CACNA1C: variants seen among roughly 807,000 people sequenced by gnomAD.
CACNA1C encodes calcium voltage-gated channel subunit alpha1 C.
A neutral mutation model predicts 229.0 loss-of-function variants in CACNA1C; 30 were observed. That is an observed-to-expected ratio of 0.13 (90% CI 0.10 to 0.18). The LOEUF (loss-of-function observed/expected upper bound fraction) is 0.18. Ranked by LOEUF, CACNA1C falls within the 10% of genes least tolerant of loss-of-function variation. The pLI is 1.00. For missense variants in CACNA1C, 1,658 were observed against 2,845.0 expected, an observed-to-expected ratio of 0.58 and a Z score of 9.49; for synonymous variants, 1,114 against 1,132.5, an observed-to-expected ratio of 0.98 and a Z score of 0.33.
intron 11 of CACNA1C, among the ~76,000 whole-genome samples, chr12:2,565,654 A>G (rs1344250917): frequency 6.6e-6 from 1 of 152,118 alleles, no homozygotes; most frequent in Non-Finnish European, 1.5e-5. Context: ...GAGTCCATGG[A>G]GCATGGATGA....
intron 3 of CACNA1C, among the ~76,000 whole-genome samples, chr12:2,160,240 C>T (rs541841015): frequency 9.2e-5 from 14 of 152,300 alleles, no homozygotes; most frequent in Admixed American, 2.0e-4. Flanking sequence ...ATGGGAGAAG[C>T]GTGCTGTATC....
chr12:1,981,649 A>C (rs1476848429), intron 1 of CACNA1C, among the ~76,000 whole-genome samples: 1 of 152,220 alleles, frequency 6.6e-6, no homozygotes, highest in Non-Finnish European at 1.5e-5. Flanking sequence ...GTTACTGCCA[A>C]AACCCAACAC....
chr12:2,102,506 C>T (rs1369575946), intron 1 of CACNA1C, among the ~76,000 whole-genome samples: 1 of 152,216 alleles, frequency 6.6e-6, no homozygotes, highest in Non-Finnish European at 1.5e-5. Flanking sequence ...GCACACCCTC[C>T]CTTCTCCCCA....
At chr12:2,494,239 A>C (rs2099742226) in intron 7 of CACNA1C, among the ~76,000 whole-genome samples, 1 of 152,206 alleles carries the variant, frequency 6.6e-6, no homozygotes, top group African/African-American at 2.4e-5. Context: ...AGTAGCCAAC[A>C]CTACTTTGCT....
intron 3 of CACNA1C, among the ~76,000 whole-genome samples, chr12:2,175,099 CA>C (rs2096608394): frequency 6.6e-6 from 1 of 151,966 alleles, no homozygotes; most frequent in African/African-American, 2.4e-5. Context: ...CTCTAACAGA[CA>C]AGATTTAAAA....
At chr12:2,262,127 G>A (rs1183986028) in intron 3 of CACNA1C, among the ~76,000 whole-genome samples, 5 of 152,208 alleles carry the variant, frequency 3.3e-5, no homozygotes, top group African/African-American at 4.8e-5. Context: ...CAGTTGCTGG[G>A]GCTGAATGCT....
At chr12:2,160,367 C>T (rs1035404958) in intron 3 of CACNA1C, among the ~76,000 whole-genome samples, 7 of 152,218 alleles carry the variant, frequency 4.6e-5, no homozygotes, top group African/African-American at 1.2e-4. Flanking sequence ...CACTTTCTCT[C>T]TCCTGTCTCT....
intron 28 of CACNA1C, 47 bp from the exon 29 acceptor site, chr12:2,611,856 C>T (rs781776174): frequency 1.5e-5 from 18 of 1,217,902 alleles, no homozygotes; most frequent in East Asian, 4.7e-5. Flanking sequence ...GGAGGAGGAG[C>T]GACCTCCCTG....
At chr12:2,129,431 A>G (rs987219201) in intron 3 of CACNA1C, among the ~76,000 whole-genome samples, 3 of 152,202 alleles carry the variant, frequency 2.0e-5, no homozygotes, top group Admixed American at 6.5e-5. Context: ...AAGAGAGATG[A>G]TGATTTGAAG....
chr12:2,202,168 T>C (rs1473001892), intron 3 of CACNA1C, among the ~76,000 whole-genome samples: 1 of 152,244 alleles, frequency 6.6e-6, no homozygotes, highest in Middle Eastern at 3.2e-3. Flanking sequence ...TTGGATTGAC[T>C]TAGAGGATTT....
chr12:2,351,723 C>T (rs568895455), intron 3 of CACNA1C, among the ~76,000 whole-genome samples: 4 of 152,320 alleles, frequency 2.6e-5, no homozygotes, highest in Admixed American at 1.3e-4. Context: ...CAGCATTGCA[C>T]GCCTGTGTCC....
intron 34 of CACNA1C, among the ~76,000 whole-genome samples, chr12:2,657,087 A>G (rs11062296): frequency 0.086 from 13,141 of 152,260 alleles, 700 homozygotes; most frequent in Admixed American, 0.15. Context: ...ACTCCCCAAC[A>G]TAAGTCTTCC....
chr12:2,554,771 G>A (rs1394434184), intron 10 of CACNA1C, among the ~76,000 whole-genome samples: 1 of 152,210 alleles, frequency 6.6e-6, no homozygotes, highest in Non-Finnish European at 1.5e-5. Context: ...AGACGTCACA[G>A]AGTTCTCACC....
intron 3 of CACNA1C, among the ~76,000 whole-genome samples, chr12:2,328,086 T>C (rs1283202762): frequency 1.3e-5 from 2 of 152,180 alleles, no homozygotes; most frequent in Non-Finnish European, 2.9e-5. Context: ...AAAAGAGTAG[T>C]TTCATTAGAT....
chr12:2,101,012 A>G (rs1249074596), intron 1 of CACNA1C, among the ~76,000 whole-genome samples: 2 of 151,884 alleles, frequency 1.3e-5, no homozygotes, highest in Non-Finnish European at 1.5e-5. Flanking sequence ...AAAAAAAAAA[A>G]AAAAAGAAAA....
At chr12:2,303,576 G>A (rs1592185760) in intron 3 of CACNA1C, among the ~76,000 whole-genome samples, 1 of 152,158 alleles carries the variant, frequency 6.6e-6, no homozygotes. Context: ...ACCAGCCCGG[G>A]TAACACAGGG....
chr12:2,577,892 G>A (rs1390166008), intron 13 of CACNA1C, among the ~76,000 whole-genome samples: 4 of 149,650 alleles, frequency 2.7e-5, no homozygotes, highest in East Asian at 3.9e-4. Flanking sequence ...TTTTTGAGAC[G>A]GAGTCTCGCT....
At chr12:2,138,554 CAG>C (rs1453441544) in intron 3 of CACNA1C, among the ~76,000 whole-genome samples, 1 of 151,078 alleles carries the variant, frequency 6.6e-6, no homozygotes, top group Non-Finnish European at 1.5e-5. Flanking sequence ...CTAGACTGAC[CAG>C]AGAGAGCAGG....
At chr12:2,419,520 A>T (rs958602066) in intron 3 of CACNA1C, among the ~76,000 whole-genome samples, 1 of 152,146 alleles carries the variant, frequency 6.6e-6, no homozygotes, top group Non-Finnish European at 1.5e-5. Flanking sequence ...TAGCACCACC[A>T]TGCCAGTTCC....
Sources: gnomAD v4.1 joint callset for allele counts (sites outside exome capture counted in the v4.1 genomes callset) on GRCh38, gnomAD v4.1.1 for gene constraint, MANE v1.5 for transcripts, NCBI Gene and HGNC (gene_info 2026-07-23, HGNC 2026-07-21) for gene names.